The following FAM167A variants were observed in gnomAD, a reference collection of about 807,000 sequenced individuals.
FAM167A encodes protein FAM167A.
Under a neutral mutation model 14.9 loss-of-function variants are expected in FAM167A, and 23 were observed. The ratio of observed to expected loss-of-function variants is 1.55; its 90% CI spans 1.11 to 2.19. The LOEUF (loss-of-function observed/expected upper bound fraction) is 2.19. FAM167A is among the 30% of genes most tolerant of loss of function. The pLI, the probability that FAM167A is intolerant of heterozygous loss-of-function variation, is 0.00. For missense variants in FAM167A, 401 were observed against 281.5 expected (o/e 1.42, Z -3.04); for synonymous variants, 174 against 117.7 (o/e 1.48, Z -3.10).
chr8:11,456,790 C>T (rs1467380443), intron 1 of FAM167A, among the ~76,000 whole-genome samples: 4 of 142,754 alleles, frequency 2.8e-5, no homozygotes, highest in African/African-American at 8.0e-5. Flanking sequence ...GTGCGGCTGG[C>T]TAAGGGAAGT....
chr8:11,435,116 C>G (rs1297765403), intron 2 of FAM167A: 1 of 456,638 alleles, frequency 2.2e-6, no homozygotes, highest in East Asian at 6.9e-5. Flanking sequence ...TCACGGGACC[C>G]TCCTGTTCCC....
intron 1 of FAM167A, among the ~76,000 whole-genome samples, chr8:11,450,174 C>G (rs4840562): frequency 0.51 from 77,084 of 151,664 alleles, 20,233 homozygotes; most frequent in East Asian, 0.66. Flanking sequence ...AAGCCCTTCA[C>G]TCCCTTCTGT....
intron 1 of FAM167A, among the ~76,000 whole-genome samples, chr8:11,451,491 G>A (rs990562482): frequency 9.9e-5 from 15 of 152,246 alleles, no homozygotes; most frequent in East Asian, 3.8e-4. Context: ...TTTGTCTTTC[G>A]TTGGACTGTG....
At position 11,444,045 on chromosome 8, in the gene FAM167A, G is replaced by A. The variant is rs1042377843; in HGVS notation, c.367C>T (p.Leu123Phe). 4.4e-5 allele frequency: 71 copies of A among 1,612,372 alleles called. No homozygotes were observed. The highest frequency in any genetic ancestry group is 5.6e-5 in the Non-Finnish European group (66 of 1,179,346). The change falls in exon 2 of 3, where the codon CTC (leucine) becomes TTC (phenylalanine). Residue 123 changes from leucine to phenylalanine, a missense_variant. Physicochemically the swap from Leu to Phe is conservative, Grantham distance 22. Coordinates refer to ENST00000284486, the MANE Select transcript of FAM167A (RefSeq NM_053279.3). ...CAGCCACTCACCAGTTCCTTCCTGAGCCAGGCTATAGCTTCATCGATGCTC... is the reference window on the plus strand; with the variant it reads ...CAGCCACTCACCAGTTCCTTCCTGAACCAGGCTATAGCTTCATCGATGCTC... ...FQSIDEAIAW[L>F]RKELTEMRLQ...
intron 2 of FAM167A, chr8:11,443,633 GT>G (rs1350555931): frequency 5.1e-6 from 1 of 194,916 alleles, no homozygotes; most frequent in African/African-American, 2.4e-5. Flanking sequence ...CAGAAGAGTG[GT>G]CCCCGGAGTG....
chr8:11,448,132 T>G (rs1411505456), intron 1 of FAM167A, among the ~76,000 whole-genome samples: 6 of 151,412 alleles, frequency 4.0e-5, no homozygotes, highest in African/African-American at 1.2e-4. Context: ...AGGCAGAGGT[T>G]GCAGTGAGCC....
At chr8:11,443,348 G>A (rs1806553371) in intron 2 of FAM167A, among the ~76,000 whole-genome samples, 1 of 152,188 alleles carries the variant, frequency 6.6e-6, no homozygotes, top group African/African-American at 2.4e-5. Flanking sequence ...AAGTGACCGC[G>A]CTGCGGTCCC....
chr8:11,473,308 G>A (rs115875492), intron 1 of FAM167A, among the ~76,000 whole-genome samples: 5,660 of 152,256 alleles, frequency 0.037, 279 homozygotes, highest in African/African-American at 0.12. Flanking sequence ...GTTGCATACA[G>A]GGATGATCAT....
rs1804809863 is a variant in FAM167A, at chr8:11,422,377, T to TGTGGGGGG, written c.*1995_*1996insCCCCCCAC. On this transcript the variant is annotated 3_prime_UTR_variant, in exon 3 of 3. Coordinates refer to ENST00000284486, the MANE Select transcript of FAM167A (RefSeq NM_053279.3). Reference sequence around the variant, plus strand: ...TGTCGTGTGTGTGTGTGTGGGGGTGTGTGTGTGTGTGTGTGTGTGTGTGTG... The same window carrying TGTGGGGGG: ...TGTCGTGTGTGTGTGTGTGGGGGTGTGTGGGGGGGTGTGTGTGTGTGTGTGTGTGTGTG... 1 of 80,930 alleles carries TGTGGGGGG rather than the reference T, an allele frequency of 1.2e-5. No individual in the cohort carries two copies. Among genetic ancestry groups the TGTGGGGGG allele is most frequent in the African/African-American group, 1.0e-4 (1 of 9,778 alleles). The allele number at this position is 80,930 out of a possible 1,614,324, so 5.0% of individuals were successfully genotyped here. A position where few individuals can be genotyped will look rare whatever the true frequency, so the allele number is the denominator to read the frequency against.
At chr8:11,434,587 A>T (rs761796300) in intron 2 of FAM167A, among the ~76,000 whole-genome samples, 8 of 152,072 alleles carry the variant, frequency 5.3e-5, no homozygotes, top group Non-Finnish European at 8.8e-5. Flanking sequence ...GTTAAGCTCT[A>T]CCCCTGTGAT....
intron 1 of FAM167A, among the ~76,000 whole-genome samples, chr8:11,473,568 C>G (rs1356499217): frequency 6.6e-6 from 1 of 152,192 alleles, no homozygotes; most frequent in Non-Finnish European, 1.5e-5. Flanking sequence ...GATGTTCAAA[C>G]AAAAAGAACG....
rs1299184157 is a variant in FAM167A at position 11,421,717 on chromosome 8, A to G, written c.*2656T>C. 5.0e-6 allele frequency: 2 copies of G among 398,938 alleles called. No individual in the cohort carries two copies. The highest frequency in any genetic ancestry group is 8.8e-6 in the Non-Finnish European group (2 of 226,096). 24.7% of individuals were successfully genotyped at this position (398,938 alleles called of 1,614,324 possible). ...TGAAGGCATCAAGACATGACCACGCATGGCAGTGTCGGTGGAGAGTTTGCG... is the reference window on the plus strand; with the variant it reads ...TGAAGGCATCAAGACATGACCACGCGTGGCAGTGTCGGTGGAGAGTTTGCG... On this transcript the variant is annotated 3_prime_UTR_variant, in exon 3 of 3. Transcript: ENST00000284486.
chr8:11,442,652 G>A (rs1343476792), intron 2 of FAM167A, among the ~76,000 whole-genome samples: 5 of 149,404 alleles, frequency 3.3e-5, no homozygotes, highest in East Asian at 3.9e-4. Flanking sequence ...GGCTGTGCGC[G>A]GTCTGTCCTG....
intron 2 of FAM167A, chr8:11,434,264 C>G (rs34443092): frequency 0.16 from 24,832 of 152,334 alleles, 2,327 homozygotes; most frequent in Middle Eastern, 0.32. Context: ...GCCGCACTCA[C>G]GCTCTGCAGC....
At chr8:11,434,994 A>C (rs1413797913) in intron 2 of FAM167A, 1 of 455,576 alleles carries the variant, frequency 2.2e-6, no homozygotes, top group Non-Finnish European at 4.4e-6. Flanking sequence ...TCTGCACCTC[A>C]GCTCCCAGCA....
At chr8:11,443,772 T>G (rs1806590427) in intron 2 of FAM167A, 4 of 464,710 alleles carry the variant, frequency 8.6e-6, no homozygotes, top group South Asian at 4.8e-5. Flanking sequence ...TTAACATGGG[T>G]TCAGGTTCTG....
intron 1 of FAM167A, among the ~76,000 whole-genome samples, chr8:11,461,002 C>T (rs1291243173): frequency 2.6e-5 from 4 of 152,222 alleles, no homozygotes; most frequent in Admixed American, 1.3e-4. Context: ...GCTGGGAGCG[C>T]GGAAACCTTC....
At chr8:11,427,814 T>A (rs767494437) in intron 2 of FAM167A, among the ~76,000 whole-genome samples, 14 of 152,228 alleles carry the variant, frequency 9.2e-5, no homozygotes, top group Admixed American at 3.9e-4. Context: ...AGTTTACTTT[T>A]CAATCCTTGG....
intron 1 of FAM167A, among the ~76,000 whole-genome samples, chr8:11,447,773 C>T (rs576323596): frequency 2.6e-5 from 4 of 152,340 alleles, no homozygotes; most frequent in South Asian, 2.1e-4. Context: ...GGCTTTGTGA[C>T]GCTGGCACAT....
Sources: allele counts gnomAD v4.1 joint callset (sites outside exome capture counted in the v4.1 genomes callset), GRCh38; gene constraint gnomAD v4.1.1; transcripts MANE v1.5; gene names NCBI Gene and HGNC (gene_info 2026-07-23, HGNC 2026-07-21).